Variants in GRB14 observed in about 807,000 individuals in gnomAD.
GRB14 encodes growth factor receptor bound protein 14.
Under a neutral mutation model 69.1 loss-of-function variants are expected in GRB14, and 38 were observed. The observed-to-expected ratio is 0.55, with a 90% CI of 0.42 to 0.72. The LOEUF (loss-of-function observed/expected upper bound fraction) is 0.72, where lower values mean the gene tolerates loss of function less well. GRB14 is among the 30% of genes least tolerant of loss of function. The pLI is 0.00. For missense variants in GRB14, 666 were observed against 666.1 expected, an observed-to-expected ratio of 1.00 and a Z score of 0.00; for synonymous variants, 247 against 241.3, an observed-to-expected ratio of 1.02 and a Z score of -0.22.
chr2:164,527,394 A>G (rs1687810518), intron 3 of GRB14, among the ~76,000 whole-genome samples: 1 of 151,664 alleles, frequency 6.6e-6, no homozygotes, highest in African/African-American at 2.4e-5. Flanking sequence ...AAAAATGTAT[A>G]AAATATCATA....
intron 3 of GRB14, among the ~76,000 whole-genome samples, chr2:164,546,485 C>T (rs146331952): frequency 6.4e-4 from 97 of 152,120 alleles, no homozygotes; most frequent in African/African-American, 2.3e-3. Context: ...CAGAAGTATC[C>T]CAGAACTCAA....
chr2:164,609,939 T>G (rs11895467), intron 2 of GRB14, among the ~76,000 whole-genome samples: 86,635 of 152,006 alleles, frequency 0.57, 25,341 homozygotes, highest in Admixed American at 0.64. Flanking sequence ...GCTTAAGACA[T>G]TAAAAAGGAA....
At chr2:164,596,629 T>C (rs1689787198) in intron 2 of GRB14, among the ~76,000 whole-genome samples, 1 of 152,180 alleles carries the variant, frequency 6.6e-6, no homozygotes, top group Non-Finnish European at 1.5e-5. Flanking sequence ...TCTAAGAAGA[T>C]AAAAATAGCA....
At chr2:164,551,986 C>A (rs539368016) in intron 2 of GRB14, among the ~76,000 whole-genome samples, 5 of 152,276 alleles carry the variant, frequency 3.3e-5, no homozygotes, top group Admixed American at 3.3e-4. Flanking sequence ...TGTCAGAAGA[C>A]AAAGCGGGAG....
At chr2:164,527,340 T>G (rs1011890156) in intron 3 of GRB14, among the ~76,000 whole-genome samples, 2 of 151,304 alleles carry the variant, frequency 1.3e-5, no homozygotes, top group African/African-American at 4.8e-5. Context: ...TTTCAATTAC[T>G]AATGTTCATT....
rs545606220 is a variant in GRB14 at position 164,588,011 on chromosome 2, C to T, written c.324+31676G>A. 1.1e-4 allele frequency among the ~76,000 whole-genome samples: 17 copies of T among 152,268 alleles called. No homozygotes were observed. The East Asian group carries it at 2.7e-3, about 24-fold the overall frequency. ...ATTCCTTCAGGACTTCCCAACTACC[C>T]TTTCCTATCTTTCCACATTGGAAGC... On this transcript the variant is annotated intron_variant, in intron 2 of 13. Coordinates refer to ENST00000263915, the MANE Select transcript of GRB14 (RefSeq NM_004490.3).
At chr2:164,591,108 C>T (rs1253185617) in intron 2 of GRB14, among the ~76,000 whole-genome samples, 1 of 152,142 alleles carries the variant, frequency 6.6e-6, no homozygotes, top group Non-Finnish European at 1.5e-5. Flanking sequence ...GCTTTCCTCT[C>T]AAAACAACAG....
intron 2 of GRB14, among the ~76,000 whole-genome samples, chr2:164,557,035 T>C (rs1688695224): frequency 6.6e-6 from 1 of 152,154 alleles, no homozygotes; most frequent in Non-Finnish European, 1.5e-5. Context: ...CAAATTTTCA[T>C]GAAACTTATG....
intron 2 of GRB14, among the ~76,000 whole-genome samples, chr2:164,598,955 T>C (rs1436628785): frequency 6.6e-6 from 1 of 152,204 alleles, no homozygotes; most frequent in African/African-American, 2.4e-5. Flanking sequence ...TTACGTTACA[T>C]CTCATGACTT....
intron 2 of GRB14, among the ~76,000 whole-genome samples, chr2:164,562,293 G>T (rs116817261): frequency 1.5e-3 from 228 of 152,190 alleles, no homozygotes; most frequent in African/African-American, 5.2e-3. Flanking sequence ...CTGAAAGGAG[G>T]AGTAATTAAC....
chr2:164,616,615 T>C (rs1690305836), intron 2 of GRB14, among the ~76,000 whole-genome samples: 1 of 152,170 alleles, frequency 6.6e-6, no homozygotes, highest in Non-Finnish European at 1.5e-5. Flanking sequence ...GCATCTCAAA[T>C]AGTAAACAAA....
chr2:164,554,563 A>C (rs968060112), intron 2 of GRB14, among the ~76,000 whole-genome samples: 1 of 152,188 alleles, frequency 6.6e-6, no homozygotes, highest in Non-Finnish European at 1.5e-5. Context: ...GATTGTACAC[A>C]CTGCCTGTGT....
chr2:164,605,335 G>A (rs73971064), intron 2 of GRB14, among the ~76,000 whole-genome samples: 4,845 of 152,230 alleles, frequency 0.032, 269 homozygotes, highest in African/African-American at 0.11. Flanking sequence ...AGGAAAACAT[G>A]AGAGAAGAAG....
chr2:164,602,909 T>C (rs1321986486), intron 2 of GRB14, among the ~76,000 whole-genome samples: 2 of 152,042 alleles, frequency 1.3e-5, no homozygotes, highest in African/African-American at 4.8e-5. Flanking sequence ...ATTTAAAGAT[T>C]AAGGAAAAGA....
At position 164,492,935 on chromosome 2, in the gene GRB14, A is replaced by C. The variant is rs1574235068; in HGVS notation, c.*101T>G. 1 of 1,116,332 alleles carries C rather than the reference A, an allele frequency of 9.0e-7. No homozygotes were observed. The highest frequency in any genetic ancestry group is 2.5e-5 in the East Asian group (1 of 39,556). 69.2% of individuals were successfully genotyped at this position (1,116,332 alleles called of 1,614,324 possible). On this transcript the variant is annotated 3_prime_UTR_variant, in exon 14 of 14. Coordinates refer to ENST00000263915, the MANE Select transcript of GRB14 (RefSeq NM_004490.3). The stretch of plus-strand genomic sequence containing the variant: ...TTTTTGTAACTTGCAGGTGAAATAC[A>C]TTCTTTTCACATGGTAATGTTTTCG...
At chr2:164,600,811 A>AT (rs1450095222) in intron 2 of GRB14, among the ~76,000 whole-genome samples, 1 of 152,154 alleles carries the variant, frequency 6.6e-6, no homozygotes, top group Non-Finnish European at 1.5e-5. Flanking sequence ...TACTTAAATC[A>AT]TTTTTGATTC....
In GRB14 at chr2:164,616,465, T is replaced by C. The variant is rs181969424; in HGVS notation, c.324+3222A>G. Among the ~76,000 whole-genome samples, 64 of 148,834 alleles carry C rather than the reference T, an allele frequency of 4.3e-4. 2 individuals are homozygous for C. The East Asian group carries it at 0.012, about 28-fold the overall frequency. The stretch of plus-strand genomic sequence containing the variant: ...AAAAAAAAAAAGAATATGGATTCTC[T>C]CTCACTCTAGCTTTCATTTAAAAAT... On this transcript the variant is annotated intron_variant, in intron 2 of 13. Coordinates refer to ENST00000263915, the MANE Select transcript of GRB14 (RefSeq NM_004490.3).
intron 3 of GRB14, among the ~76,000 whole-genome samples, chr2:164,543,742 A>C (rs1688296105): frequency 6.6e-6 from 1 of 152,220 alleles, no homozygotes; most frequent in Non-Finnish European, 1.5e-5. Flanking sequence ...CCATTCATTT[A>C]AATATGCAAA....
intron 2 of GRB14, among the ~76,000 whole-genome samples, chr2:164,611,845 T>C (rs139827620): frequency 6.6e-6 from 1 of 152,138 alleles, no homozygotes; most frequent in East Asian, 1.9e-4. Context: ...GTGGTCACTA[T>C]ATGGGAATAC....
Sources: gnomAD v4.1 joint callset for allele counts (sites outside exome capture counted in the v4.1 genomes callset) on GRCh38, gnomAD v4.1.1 for gene constraint, MANE v1.5 for transcripts, NCBI Gene and HGNC (gene_info 2026-07-23, HGNC 2026-07-21) for gene names.